PDE4DIP: variants seen among roughly 807,000 people sequenced by gnomAD.
PDE4DIP encodes the protein phosphodiesterase 4D interacting protein, also known as myomegalin.
PDE4DIP carries 59 observed loss-of-function variants against 221.4 expected under a neutral mutation model. The ratio of observed to expected loss-of-function variants is 0.27; its 90% CI spans 0.22 to 0.33. PDE4DIP has a LOEUF of 0.33. Among genes scored for constraint, PDE4DIP ranks in the 10% least tolerant of loss-of-function variants. The pLI is 1.00. For missense variants in PDE4DIP, 1,036 were observed against 2,154.2 expected (o/e 0.48, Z 10.28); for synonymous variants, 404 against 815.9 (o/e 0.50, Z 8.60).
chr1:149,009,719 G>A (rs587677170), exon 30 of PDE4DIP: 3 of 1,613,942 alleles, frequency 1.9e-6, no homozygotes, highest in Non-Finnish European at 2.5e-6. Context: ...TGAACTGGAA[G>A]CCTGCTCTGA....
intron 41 of PDE4DIP, 24 bp downstream of exon 44, chr1:149,028,727 G>T (rs782259973): frequency 1.3e-5 from 19 of 1,453,786 alleles, no homozygotes; most frequent in Non-Finnish European, 1.7e-5. Flanking sequence ...GCCCTTTCTT[G>T]GTTCAAACCC....
At chr1:148,940,831 C>T (rs1240042193) in intron 5 of PDE4DIP, among the ~76,000 whole-genome samples, 1 of 151,736 alleles carries the variant, frequency 6.6e-6, no homozygotes, top group Non-Finnish European at 1.5e-5. Context: ...CCTCAATTTA[C>T]ATAGTAGTTT....
At chr1:148,952,972 C>A in intron 5 of PDE4DIP, 1 of 1,608,138 alleles carries the variant, frequency 6.2e-7, no homozygotes, top group Non-Finnish European at 8.5e-7. Context: ...TCTATCGATT[C>A]GACACAGTTA....
chr1:148,998,357 CCT>C lies in PDE4DIP; in HGVS notation c.3121_3122del (p.Ser1043ProfsTer12), dbSNP rs1306851463. ...GCTCAAATTGAGGAAGCAGGATTCT[CCT>C]CAGTGTCCCACATCAGGTAGGACAT... is the stretch of plus-strand genomic sequence containing the variant. On this transcript the variant is annotated frameshift_variant, in exon 23 of 44. Transcript: ENST00000369354. LOFTEE classifies it high-confidence loss of function. 6.3e-7 allele frequency: 1 copy of C among 1,587,032 alleles called. No homozygotes were observed. The highest frequency in any genetic ancestry group is 8.7e-7 in the Non-Finnish European group (1 of 1,155,978).
rs145122432 is a variant in PDE4DIP, at chr1:148,961,916, T to C, written c.848T>C (p.Ile283Thr). ...TCGTCTCAAAAGCAAGATGGTACAA[T>C]TCAGAACCTCAAGGAAACTCTGAAA... is the stretch of plus-strand genomic sequence containing the variant. Residue 283 changes from isoleucine to threonine, a missense_variant, in exon 7 of 44, where the codon ATT (isoleucine) becomes ACT (threonine). Physicochemically the swap from Ile to Thr is moderately conservative, Grantham distance 89. Coordinates refer to ENST00000369354, the Ensembl canonical transcript of PDE4DIP. The C allele has an allele frequency of 1.8e-5, 28 of 1,583,180 alleles. No individual in the cohort carries two copies. The African/African-American group carries it at 3.6e-4, about 21-fold the overall frequency.
rs1615100 is a variant in PDE4DIP, at chr1:148,856,901, A to G, written c.234-6349A>G. Among the ~76,000 whole-genome samples, 3 of 78,060 alleles carry G rather than the reference A, an allele frequency of 3.8e-5. 1 individual carries two copies. The highest frequency in any genetic ancestry group is 7.1e-5 in the Non-Finnish European group (3 of 42,178). The allele number at this position is 78,060 out of a possible 152,430, so 51.2% of individuals were successfully genotyped here. On this transcript the variant is annotated intron_variant, in intron 1 of 45. Transcript: ENST00000524974. The stretch of plus-strand genomic sequence containing the variant: ...ATAGCTGTAAATTAAAAATAGGAAA[A>G]ATGCATCTTGGAACGTTTGAAAAAT...
At chr1:148,938,933 T>A (rs190924371) in intron 5 of PDE4DIP, among the ~76,000 whole-genome samples, 2 of 132,958 alleles carry the variant, frequency 1.5e-5, no homozygotes, top group Admixed American at 8.0e-5. Context: ...CAGCAATATT[T>A]GTATTTTTAG....
chr1:148,942,131 G>A (rs587671621), intron 5 of PDE4DIP: 23 of 152,316 alleles, frequency 1.5e-4, no homozygotes, highest in African/African-American at 5.3e-4. Context: ...TCCAAGTGAA[G>A]AACGCTAATT....
rs1272097525 is a variant in PDE4DIP at position 148,838,693 on chromosome 1, A to G, written c.234-24557A>G. On this transcript the variant is annotated intron_variant, in intron 1 of 45. Transcript: ENST00000524974. ...TTTTTTTAATCAATATCTTATAATA[A>G]TGTGGCTAAAAGAAACCTCTTTGTA... Among the ~76,000 whole-genome samples, 5 of 127,314 alleles carry G rather than the reference A, an allele frequency of 3.9e-5. No homozygotes were observed. The East Asian group carries it at 1.1e-3, about 27-fold the overall frequency. 83.5% of individuals were successfully genotyped at this position (127,314 alleles called of 152,430 possible).
chr1:148,860,168 T>C (rs587663121), intron 1 of PDE4DIP, among the ~76,000 whole-genome samples: 13 of 2,014 alleles, frequency 6.5e-3, no homozygotes, highest in Non-Finnish European at 0.015. Flanking sequence ...TATTGATTCA[T>C]ATCAGGCAGG....
intron 1 of PDE4DIP, among the ~76,000 whole-genome samples, chr1:148,910,297 GAAA>G (rs1452339454): frequency 2.0e-5 from 2 of 97,858 alleles, no homozygotes; most frequent in African/African-American, 9.2e-5. Flanking sequence ...GCTCTTGATA[GAAA>G]AAAAATTGCT....
chr1:148,914,970 TA>T (rs1162624807), intron 1 of PDE4DIP, among the ~76,000 whole-genome samples: 25 of 137,748 alleles, frequency 1.8e-4, no homozygotes, highest in Non-Finnish European at 3.7e-4. Flanking sequence ...CTTTGAGAGG[TA>T]GGGGGAATAG....
chr1:149,023,912 TACACAC>T (rs797035567), intron 37 of PDE4DIP, among the ~76,000 whole-genome samples: 2 of 150,052 alleles, frequency 1.3e-5, no homozygotes, highest in Non-Finnish European at 3.0e-5. Flanking sequence ...TATATATATG[TACACAC>T]ACACACACAT....
At chr1:148,953,245 T>A (rs781916783) in intron 5 of PDE4DIP, 2 of 1,612,490 alleles carry the variant, frequency 1.2e-6, no homozygotes, top group Non-Finnish European at 1.7e-6. Flanking sequence ...ACAGCTGCCA[T>A]GGTTCAGAAG....
chr1:148,950,383 C>T (rs2151206770), intron 5 of PDE4DIP, among the ~76,000 whole-genome samples: 1 of 152,336 alleles, frequency 6.6e-6, no homozygotes, highest in East Asian at 1.9e-4. Context: ...TTTACTTGAA[C>T]TGCTTTTCTA....
At chr1:148,935,512 A>G (rs587746375) in intron 4 of PDE4DIP, among the ~76,000 whole-genome samples, 1 of 39,330 alleles carries the variant, frequency 2.5e-5, no homozygotes. Context: ...CCTTTGTTCA[A>G]TCTCCTCCTT....
intron 21 of PDE4DIP, chr1:148,990,340 C>T (rs1232620446): frequency 1.5e-5 from 15 of 985,276 alleles, no homozygotes; most frequent in Admixed American, 1.2e-4. Flanking sequence ...GTGGCAGTGT[C>T]GAGATGAGAT....
chr1:148,930,449 G>T (rs1222266750), intron 2 of PDE4DIP: 1 of 150,776 alleles, frequency 6.6e-6, no homozygotes, highest in African/African-American at 2.4e-5. Flanking sequence ...CCCGGGAGGC[G>T]GAGCTTGCAG....
chr1:148,967,082 TA>T, intron 12 of PDE4DIP, 106 bp downstream of exon 15: 1 of 519,732 alleles, frequency 1.9e-6, no homozygotes, highest in Non-Finnish European at 3.4e-6. Flanking sequence ...GATTTTGCTT[TA>T]TAAGGGGGAA....
Sources: gnomAD v4.1 joint callset for allele counts (sites outside exome capture counted in the v4.1 genomes callset) on GRCh38, gnomAD v4.1.1 for gene constraint, MANE v1.5 for transcripts, NCBI Gene and HGNC (gene_info 2026-07-23, HGNC 2026-07-21) for gene names.